ZNF407: variants seen among roughly 807,000 people sequenced by gnomAD.
ZNF407 encodes the protein zinc finger protein 407.
Under a neutral mutation model 131.2 loss-of-function variants are expected in ZNF407, and 17 were observed. The ratio of observed to expected loss-of-function variants is 0.13; its 90% CI spans 0.09 to 0.19. The LOEUF (loss-of-function observed/expected upper bound fraction) is 0.19. Ranked by LOEUF, ZNF407 falls within the 10% of genes least tolerant of loss-of-function variation. The pLI is 1.00. For missense variants in ZNF407, 2,681 were observed against 2,830.6 expected (o/e 0.95, Z 1.20); for synonymous variants, 1,156 against 1,062.0 (o/e 1.09, Z -1.72).
intron 3 of ZNF407, among the ~76,000 whole-genome samples, chr18:74,656,213 G>T (rs560163276): frequency 2.0e-5 from 3 of 151,940 alleles, no homozygotes; most frequent in Non-Finnish European, 4.4e-5. Context: ...GTGAATCAAA[G>T]GACTTACAAT....
At chr18:74,769,758 A>G (rs941729474) in intron 3 of ZNF407, among the ~76,000 whole-genome samples, 1 of 152,220 alleles carries the variant, frequency 6.6e-6, no homozygotes, top group Admixed American at 6.5e-5. Context: ...AGACTGGAGC[A>G]TTTTTCACTG....
At chr18:74,989,940 T>C (rs1972698961) in intron 8 of ZNF407, among the ~76,000 whole-genome samples, 1 of 152,234 alleles carries the variant, frequency 6.6e-6, no homozygotes, top group Non-Finnish European at 1.5e-5. Context: ...TACCATCTTA[T>C]ATGTTAAATC....
In ZNF407 at chr18:74,633,615, A is replaced by G; in HGVS notation, c.2596A>G (p.Thr866Ala). 1 of 1,614,052 alleles carries G rather than the reference A, an allele frequency of 6.2e-7. No homozygotes were observed. The highest frequency in any genetic ancestry group is 8.5e-7 in the Non-Finnish European group (1 of 1,179,894). ...GLLASSITNL[T>A]VHIRRKHSHQ... ...TTTGGCCTCTAGTATTACAAACTTG[A>G]CTGTTCACATTAGACGAAAACACAG... Residue 866 changes from threonine to alanine, a missense_variant, in exon 2 of 9, where the codon ACT becomes GCT. By Grantham distance (58) the Thr-to-Ala change is moderately conservative (BLOSUM62 0). Around this residue, in one of 6 missense-constraint regions of ZNF407, gnomAD observed 1,789 missense variants for 1,748.7 expected, o/e 1.02. Coordinates refer to ENST00000299687, the MANE Select transcript of ZNF407 (RefSeq NM_017757.3).
intron 5 of ZNF407, among the ~76,000 whole-genome samples, chr18:74,878,945 C>A (rs1009515372): frequency 1.7e-4 from 25 of 145,192 alleles, no homozygotes; most frequent in African/African-American, 6.3e-4. Context: ...ACAAATCAAG[C>A]CACCCAGGTA....
chr18:74,667,409 A>C (rs541980020), intron 3 of ZNF407, among the ~76,000 whole-genome samples: 1 of 152,368 alleles, frequency 6.6e-6, no homozygotes, highest in Non-Finnish European at 1.5e-5. Flanking sequence ...AATCATAGTC[A>C]CAGGTACAGT....
At chr18:74,696,825 G>A (rs1200728061) in intron 3 of ZNF407, among the ~76,000 whole-genome samples, 1 of 152,176 alleles carries the variant, frequency 6.6e-6, no homozygotes, top group Non-Finnish European at 1.5e-5. Context: ...CTACAAGGCT[G>A]CAAGGTAGTT....
chr18:75,010,406 T>C (rs1978956), intron 8 of ZNF407, among the ~76,000 whole-genome samples: 147,604 of 152,240 alleles, frequency 0.97, 71,748 homozygotes, highest in East Asian at 1. Context: ...CACTCCAGGG[T>C]CATGTGTACA....
At chr18:74,637,584 T>G (rs1984519078) in intron 2 of ZNF407, among the ~76,000 whole-genome samples, 1 of 152,156 alleles carries the variant, frequency 6.6e-6, no homozygotes, top group African/African-American at 2.4e-5. Context: ...GCCCTGTTCC[T>G]GAGGACACAA....
intron 7 of ZNF407, among the ~76,000 whole-genome samples, chr18:74,910,523 T>G (rs1183655240): frequency 6.6e-6 from 1 of 152,120 alleles, no homozygotes; most frequent in Non-Finnish European, 1.5e-5. Context: ...CACTTAAGTC[T>G]TTTTTTAGTT....
Position 74,632,949 on chromosome 18 carries a change from G to A in ZNF407, c.1930G>A (p.Val644Ile). The change falls in exon 2 of 9, where the codon GTT (valine) becomes ATT (isoleucine). Residue 644 changes from valine to isoleucine, a missense_variant. Coordinates refer to ENST00000299687, the MANE Select transcript of ZNF407 (RefSeq NM_017757.3). The part of the protein sequence containing the change: ...KATEKHINSL[V>I]QPKTLQSSNS... ...CACCGAGAAGCATATTAATTCATTG[G>A]TTCAACCAAAGACTTTGCAATCATC... 6.2e-7 allele frequency: 1 copy of A among 1,613,112 alleles called. No homozygotes were observed. Among genetic ancestry groups the A allele is most frequent in the East Asian group, 2.2e-5 (1 of 44,848 alleles).
chr18:75,063,280 C>T lies in ZNF407; in HGVS notation c.5559C>T (p.Ser1853=). 1 of 1,613,726 alleles carries T rather than the reference C, an allele frequency of 6.2e-7. No individual in the cohort carries two copies. Among genetic ancestry groups the T allele is most frequent in the Non-Finnish European group, 8.5e-7 (1 of 1,179,874 alleles). Residue 1853 remains serine, a synonymous_variant, in exon 9 of 9, where the codon AGC becomes AGT. Coordinates refer to ENST00000299687, the MANE Select transcript of ZNF407 (RefSeq NM_017757.3). The surrounding 1 kb of genome is among the most constrained non-coding windows in gnomAD (Gnocchi z 6.6). ...PLVKEKPLRS[S]RRPAPPPEQV... The stretch of plus-strand genomic sequence containing the variant: ...TCAAGGAGAAGCCCCTCAGAAGCAG[C>T]AGGAGGCCAGCGCCGCCCCCTGAGC...
Position 74,758,660 on chromosome 18 carries a change from G to A in ZNF407, c.4803-22768G>A, listed in dbSNP as rs184987653. ...GGCTGGAGTGCAGTGGCATGATCTC[G>A]GCTCACTGGAACCTCTGTCTCCTGA... On this transcript the variant is annotated intron_variant, in intron 3 of 8. Transcript: ENST00000299687. 1.7e-4 allele frequency among the ~76,000 whole-genome samples: 26 copies of A among 152,090 alleles called. No homozygotes were observed. The East Asian group carries it at 3.5e-3, about 20-fold the overall frequency.
At chr18:74,824,413 A>G (rs756618212) in intron 4 of ZNF407, among the ~76,000 whole-genome samples, 7 of 152,174 alleles carry the variant, frequency 4.6e-5, no homozygotes, top group South Asian at 2.1e-4. Flanking sequence ...AAAACAATCA[A>G]TGAATTCAGG....
intron 8 of ZNF407, among the ~76,000 whole-genome samples, chr18:75,017,252 C>T (rs1973055396): frequency 6.6e-6 from 1 of 152,136 alleles, no homozygotes; most frequent in Non-Finnish European, 1.5e-5. Context: ...GATAACAGTA[C>T]TCACATAATT....
At chr18:74,617,136 A>G (rs1315343170) in intron 1 of ZNF407, among the ~76,000 whole-genome samples, 1,417 of 3,296 alleles carry the variant, frequency 0.43, 2 homozygotes, top group Non-Finnish European at 0.44. Context: ...CCATATCCAC[A>G]CACCACACAC....
chr18:74,664,471 G>T (rs1386240588), intron 3 of ZNF407, among the ~76,000 whole-genome samples: 5 of 152,132 alleles, frequency 3.3e-5, no homozygotes, highest in African/African-American at 9.7e-5. Context: ...CTCCAGCCTG[G>T]GCGACGGAGT....
chr18:74,623,281 T>A (rs1368882923), intron 1 of ZNF407, among the ~76,000 whole-genome samples: 1 of 151,950 alleles, frequency 6.6e-6, no homozygotes, highest in Non-Finnish European at 1.5e-5. Context: ...AGTGTGAGAC[T>A]GCGTGTTTGA....
chr18:74,975,846 A>C (rs1240325612), intron 8 of ZNF407, among the ~76,000 whole-genome samples: 1 of 152,200 alleles, frequency 6.6e-6, no homozygotes, highest in Non-Finnish European at 1.5e-5. Context: ...ATGCATTTGG[A>C]AGTCCTTGAT....
intron 8 of ZNF407, among the ~76,000 whole-genome samples, chr18:74,934,746 C>T (rs1016417665): frequency 1.3e-5 from 2 of 152,164 alleles, no homozygotes; most frequent in Non-Finnish European, 2.9e-5. Context: ...GTGGAGGTTG[C>T]AGTGAGCCGA....
Sources: gnomAD v4.1 joint callset for allele counts (sites outside exome capture counted in the v4.1 genomes callset) on GRCh38, gnomAD v4.1.1 for gene constraint, gnomAD v4.1.1 regional missense constraint, Gnocchi (gnomAD v3.1) non-coding constraint, MANE v1.5 for transcripts, NCBI Gene and HGNC (gene_info 2026-07-23, HGNC 2026-07-21) for gene names.